Variants in ADD1 observed in about 807,000 individuals in gnomAD.
ADD1 encodes the protein alpha-adducin.
In ADD1, 24 loss-of-function variants were observed where a neutral mutation model predicts 80.5. The ratio of observed to expected loss-of-function variants is 0.30; its 90% CI spans 0.22 to 0.42. ADD1 has a LOEUF of 0.42. Ranked by LOEUF, ADD1 falls within the 10% of genes least tolerant of loss-of-function variation. The pLI, the probability that ADD1 is intolerant of heterozygous loss-of-function variation, is 1.00. For missense variants in ADD1, 948 were observed against 1,019.0 expected (o/e 0.93, Z 0.95); for synonymous variants, 373 against 393.8 (o/e 0.95, Z 0.63).
chr4:2,854,820 G>C (rs1727828195), intron 1 of ADD1: 1 of 152,162 alleles, frequency 6.6e-6, no homozygotes, highest in Admixed American at 6.5e-5. Context: ...CACATACGTG[G>C]TGCTTTAAAA....
chr4:2,898,731 C>T (rs1022909722), intron 8 of ADD1, 200 bp downstream of exon 8: 2 of 586,820 alleles, frequency 3.4e-6, no homozygotes, highest in Non-Finnish European at 6.0e-6. Flanking sequence ...CTGGGCTTTT[C>T]ATTTCTAATT....
intron 4 of ADD1, among the ~76,000 whole-genome samples, chr4:2,885,978 T>G (rs1238040747): frequency 6.6e-6 from 1 of 152,232 alleles, no homozygotes; most frequent in Non-Finnish European, 1.5e-5. Context: ...TTTGTAGAGA[T>G]AGCTTCTTCC....
intron 1 of ADD1, among the ~76,000 whole-genome samples, chr4:2,850,571 G>A (rs560936194): frequency 3.9e-5 from 6 of 152,270 alleles, no homozygotes; most frequent in East Asian, 3.9e-4. Flanking sequence ...GACTACAGGC[G>A]CCTGCCACCA....
chr4:2,862,594 C>T (rs982249080), intron 1 of ADD1, among the ~76,000 whole-genome samples: 15 of 152,162 alleles, frequency 9.9e-5, no homozygotes, highest in Non-Finnish European at 1.8e-4. Context: ...GCCTAGTGCT[C>T]TCACCACCTG....
chr4:2,911,833 T>C (rs1738117385), intron 13 of ADD1, among the ~76,000 whole-genome samples: 2 of 152,202 alleles, frequency 1.3e-5, no homozygotes, highest in Non-Finnish European at 2.9e-5. Context: ...GATGTGAGTC[T>C]ACACTGCAAG....
intron 5 of ADD1, among the ~76,000 whole-genome samples, 195 bp from the exon 6 acceptor site, chr4:2,894,387 A>G (rs555106954): frequency 5.9e-4 from 90 of 151,724 alleles, no homozygotes; most frequent in Non-Finnish European, 9.6e-4. Flanking sequence ...CGGTACCCCA[A>G]CTCTACAAAA....
intron 9 of ADD1, chr4:2,899,855 T>C (rs1446065242): frequency 3.1e-6 from 1 of 320,194 alleles, no homozygotes; most frequent in African/African-American, 2.2e-5. Context: ...TCCATGGGTA[T>C]CCACTCCCTG....
At chr4:2,916,550 A>T (rs907685193) in intron 14 of ADD1, among the ~76,000 whole-genome samples, 2 of 151,988 alleles carry the variant, frequency 1.3e-5, no homozygotes, top group Non-Finnish European at 2.9e-5. Context: ...TAAATTAATT[A>T]TACTTTAAGT....
chr4:2,871,497 A>G (rs1225737019), intron 1 of ADD1, among the ~76,000 whole-genome samples: 1 of 152,252 alleles, frequency 6.6e-6, no homozygotes, highest in Non-Finnish European at 1.5e-5. Flanking sequence ...GTTCATCCTG[A>G]TCTTAGTAGT....
chr4:2,923,430 A>G (rs1008776835), intron 14 of ADD1, among the ~76,000 whole-genome samples: 57 of 152,120 alleles, frequency 3.7e-4, no homozygotes, highest in Non-Finnish European at 1.6e-4. Context: ...GTGAGGCAAC[A>G]CCCCACCCTG....
rs1035202852 is a variant in ADD1, at chr4:2,880,632, C to T, written c.196-1266C>T. Reference sequence around the variant, plus strand: ...CTGGGACTACAGGCGCCCACCACCACGCCTGGCTTATTTTTTGTATTTTTA... The same window carrying T: ...CTGGGACTACAGGCGCCCACCACCATGCCTGGCTTATTTTTTGTATTTTTA... On this transcript the variant is annotated intron_variant, in intron 2 of 15. Transcript: ENST00000683351. Among the ~76,000 whole-genome samples the T allele has an allele frequency of 7.3e-5, 11 of 151,666 alleles. No individual in the cohort carries two copies. In the East Asian group the frequency reaches 1.7e-3, roughly 24 times the overall value.
chr4:2,926,803 T>G lies in ADD1; in HGVS notation c.2047+691T>G. ...TAAAAACAGAAGCCCCCCTTTTTTG[T>G]ACCCAGTCCCTTGGAGGCCTTCCTG... On this transcript the variant is annotated intron_variant, in intron 15 of 15. Transcript: ENST00000683351. This position sits in a 1 kb window ranked among gnomAD's most constrained non-coding sequence, Gnocchi z 5.0. 2 of 1,081,898 alleles carry G rather than the reference T, an allele frequency of 1.8e-6. No individual in the cohort carries two copies. The highest frequency in any genetic ancestry group is 1.5e-5 in the South Asian group (1 of 66,896). The allele number at this position is 1,081,898 out of a possible 1,614,324, so 67.0% of individuals were successfully genotyped here. A position where few individuals can be genotyped will look rare whatever the true frequency, so the allele number is the denominator to read the frequency against.
chr4:2,863,356 G>C (rs1469973561), intron 1 of ADD1, among the ~76,000 whole-genome samples: 1 of 151,648 alleles, frequency 6.6e-6, no homozygotes, highest in Admixed American at 6.6e-5. Flanking sequence ...ACTGTACAAG[G>C]CTTTACTTGG....
At chr4:2,870,775 C>A (rs1025903211) in intron 1 of ADD1, among the ~76,000 whole-genome samples, 66 of 152,196 alleles carry the variant, frequency 4.3e-4, no homozygotes, top group African/African-American at 1.6e-3. Flanking sequence ...TATTTCAACC[C>A]TCCAAAGATT....
rs1416621299 is a variant in ADD1 at position 2,928,284 on chromosome 4, GAGA to G, written c.2164_2166del (p.Lys722del). 2.5e-6 allele frequency: 4 copies of G among 1,614,090 alleles called. No homozygotes were observed. Among genetic ancestry groups the G allele is most frequent in the African/African-American group, 1.3e-5 (1 of 75,010 alleles). On this transcript the variant is annotated inframe_deletion, in exon 16 of 16. Transcript: ENST00000683351. ...AGAAGCACTCGGCTTCCCAATGTTA[GAGA>G]AGGAGGAGGAAGCCCATAGACCCCC...
chr4:2,890,447 A>G (rs1263577266), intron 4 of ADD1, among the ~76,000 whole-genome samples: 3 of 152,136 alleles, frequency 2.0e-5, no homozygotes, highest in Non-Finnish European at 2.9e-5. Context: ...TCACCCTGTC[A>G]CCCAGGCTAG....
intron 2 of ADD1, 45 bp from the exon 3 acceptor site, chr4:2,881,853 A>G (rs776416895): frequency 3.3e-6 from 5 of 1,536,534 alleles, no homozygotes; most frequent in Non-Finnish European, 4.4e-6. Context: ...CTGCCCAAGG[A>G]ACAGAAAATA....
intron 1 of ADD1, among the ~76,000 whole-genome samples, chr4:2,869,004 G>A (rs533997219): frequency 2.0e-5 from 3 of 152,144 alleles, no homozygotes; most frequent in Non-Finnish European, 2.9e-5. Flanking sequence ...GGTTGACTGC[G>A]CTCACTCTGC....
At chr4:2,905,286 C>A (rs1406896790) in intron 10 of ADD1, 178 bp downstream of exon 10, 4 of 622,698 alleles carry the variant, frequency 6.4e-6, no homozygotes, top group African/African-American at 1.8e-5. Flanking sequence ...TCGGATAATA[C>A]TATCTGCTTG....
Sources: gnomAD v4.1 joint callset for allele counts (sites outside exome capture counted in the v4.1 genomes callset) on GRCh38, gnomAD v4.1.1 for gene constraint, Gnocchi (gnomAD v3.1) non-coding constraint, MANE v1.5 for transcripts, NCBI Gene and HGNC (gene_info 2026-07-23, HGNC 2026-07-21) for gene names.